MTA1: variants seen among roughly 807,000 people sequenced by gnomAD.
MTA1 encodes the protein metastasis associated 1, also known as metastasis-associated protein MTA1.
MTA1 carries 15 observed loss-of-function variants against 97.0 expected under a neutral mutation model. That is an observed-to-expected ratio of 0.15 (90% CI 0.10 to 0.24). The LOEUF is 0.24. MTA1 is among the 10% of genes least tolerant of loss of function. MTA1 has a pLI of 1.00. For synonymous variants in MTA1, 435 were observed against 417.5 expected (o/e 1.04, Z -0.51); for missense variants, 709 against 1,015.1 (o/e 0.70, Z 4.10).
At chr14:105,455,380 C>T (rs2083104791) in intron 7 of MTA1, among the ~76,000 whole-genome samples, 1 of 152,224 alleles carries the variant, frequency 6.6e-6, no homozygotes, top group Non-Finnish European at 1.5e-5. Context: ...GCTTCGGTAG[C>T]CCTGGTGGGA....
At chr14:105,452,067 C>T (rs1201272053) in intron 6 of MTA1, among the ~76,000 whole-genome samples, 1 of 152,204 alleles carries the variant, frequency 6.6e-6, no homozygotes, top group Non-Finnish European at 1.5e-5. Context: ...GTTGGGATTA[C>T]AGGCATGAGC....
At chr14:105,428,371 G>T (rs1326089074) in intron 1 of MTA1, among the ~76,000 whole-genome samples, 1 of 151,874 alleles carries the variant, frequency 6.6e-6, no homozygotes, top group Non-Finnish European at 1.5e-5. Flanking sequence ...ACTCACTGCA[G>T]CCTCCACCTC....
chr14:105,467,781 G>A, intron 18 of MTA1: 1 of 276,392 alleles, frequency 3.6e-6, no homozygotes, highest in South Asian at 3.1e-5. Flanking sequence ...GTTCCTAATG[G>A]CAGGGCGTCC....
At chr14:105,451,447 C>G (rs1487150809) in intron 6 of MTA1, among the ~76,000 whole-genome samples, 1 of 152,242 alleles carries the variant, frequency 6.6e-6, no homozygotes, top group Admixed American at 6.5e-5. Flanking sequence ...GCTGCCAGAC[C>G]AGCTTCCCAG....
intron 1 of MTA1, among the ~76,000 whole-genome samples, chr14:105,423,774 G>GT (rs2081925342): frequency 3.9e-5 from 6 of 152,292 alleles, no homozygotes; most frequent in African/African-American, 1.4e-4. Context: ...TTATTCTAGT[G>GT]TTTTTTTGAA....
rs782536746 is a variant in MTA1, at chr14:105,464,167, G to A, written c.1192+20G>A. 142 of 1,595,936 alleles carry A rather than the reference G, an allele frequency of 8.9e-5. 1 individual carries two copies. Among genetic ancestry groups the A allele is most frequent in the East Asian group, 5.8e-4 (26 of 44,692 alleles). On this transcript the variant is annotated intron_variant, in intron 13 of 20. Transcript: ENST00000331320. ...GTTACAGTAAGTGCCCTGGATGGCC[G>A]GGGGCACACCGCACGCCCGCCTGTG...
chr14:105,463,994 T>G lies in MTA1; in HGVS notation c.1077-38T>G, dbSNP rs1555431698. The stretch of plus-strand genomic sequence containing the variant: ...GCACATGGGCCCTCGAGGTTTGTGC[T>G]CCTGCAACTCCTCTCGTCTCTCCTT... On this transcript the variant is annotated intron_variant, in intron 12 of 20. Transcript: ENST00000331320. This position sits in a 1 kb window ranked among gnomAD's most constrained non-coding sequence, Gnocchi z 5.9. The G allele has an allele frequency of 6.2e-6, 10 of 1,603,962 alleles. No homozygotes were observed. The highest frequency in any genetic ancestry group is 2.7e-5 in the African/African-American group (2 of 74,758).
Position 105,458,352 on chromosome 14 carries a change from C to T in MTA1, c.633C>T (p.Asp211=), listed in dbSNP as rs781983101. The T allele has an allele frequency of 1.2e-6, 2 of 1,612,742 alleles. No homozygotes were observed. The highest frequency in any genetic ancestry group is 3.3e-5 in the Admixed American group (2 of 60,020). ...ACCCACTCACAGACAAGCAGATCGA[C>T]CAGTTCCTGGTGGTGGCCCGGTGAG... is the stretch of plus-strand genomic sequence containing the variant. ...AHNPLTDKQI[D]QFLVVARSVG... The change falls in exon 8 of 21, where the codon GAC becomes GAT. Residue 211 remains aspartate, a synonymous_variant. Coordinates refer to ENST00000331320, the MANE Select transcript of MTA1 (RefSeq NM_004689.4).
intron 18 of MTA1, chr14:105,469,069 A>C: frequency 2.3e-6 from 1 of 439,416 alleles, no homozygotes; most frequent in Non-Finnish European, 4.6e-6. Context: ...CTGGTGGGGC[A>C]GTGCCGGCCA....
chr14:105,464,971 G>GC, intron 15 of MTA1, 108 bp downstream of exon 15: 1 of 1,428,978 alleles, frequency 7.0e-7, no homozygotes, highest in Non-Finnish European at 9.2e-7. Context: ...ATCTCAGGGA[G>GC]CCCCACGTCC....
intron 1 of MTA1, among the ~76,000 whole-genome samples, chr14:105,423,267 T>TG (rs1555421431): frequency 2.7e-5 from 4 of 147,714 alleles, no homozygotes; most frequent in Non-Finnish European, 5.9e-5. Context: ...TGGCCCAAGC[T>TG]GGAGTGCAGA....
intron 6 of MTA1, among the ~76,000 whole-genome samples, chr14:105,451,670 G>A (rs370283269): frequency 9.9e-5 from 15 of 152,180 alleles, no homozygotes; most frequent in African/African-American, 3.4e-4. Context: ...CACTGTGTCC[G>A]CCCAGAAACG....
At chr14:105,467,355 C>CCCTT in intron 18 of MTA1, 1 of 452,412 alleles carries the variant, frequency 2.2e-6, no homozygotes, top group Non-Finnish European at 4.4e-6. Flanking sequence ...TGCCTGGAGC[C>CCCTT]CCTTCGCCAG....
chr14:105,423,134 G>A (rs973182951), intron 1 of MTA1, among the ~76,000 whole-genome samples: 1 of 152,054 alleles, frequency 6.6e-6, no homozygotes, highest in African/African-American at 2.4e-5. Context: ...TCAGTGGACA[G>A]GCCATTACCA....
intron 6 of MTA1, among the ~76,000 whole-genome samples, chr14:105,453,195 C>T (rs1430766480): frequency 3.3e-5 from 5 of 152,394 alleles, no homozygotes; most frequent in Admixed American, 1.3e-4. Flanking sequence ...CGGGAAGGGC[C>T]GCGCCTGCTG....
intron 7 of MTA1, 50 bp downstream of exon 7, chr14:105,454,360 C>A: frequency 7.6e-7 from 1 of 1,308,046 alleles, no homozygotes; most frequent in Non-Finnish European, 1.1e-6. Flanking sequence ...TCCTGTCCTG[C>A]CGGGTGACAC....
At chr14:105,445,015 CGCTAGGGCCGTGGCTGCTGTG>C (rs1324070333) in intron 2 of MTA1, among the ~76,000 whole-genome samples, 2 of 152,174 alleles carry the variant, frequency 1.3e-5, no homozygotes, top group Non-Finnish European at 2.9e-5. Flanking sequence ...CTGCGTCCGC[CGCTAGGGCCGTGGCTGCTGTG>C]CAGGTCACCC....
intron 18 of MTA1, chr14:105,468,125 C>G: frequency 2.6e-6 from 1 of 380,486 alleles, no homozygotes; most frequent in East Asian, 7.5e-5. Context: ...CTGGCGCACA[C>G]GAGGTGGGGT....
intron 1 of MTA1, among the ~76,000 whole-genome samples, chr14:105,429,173 G>T (rs1388762004): frequency 6.6e-6 from 1 of 152,182 alleles, no homozygotes; most frequent in African/African-American, 2.4e-5. Context: ...TCAGGCTGGG[G>T]CTCTGGCTTC....
Sources: allele counts gnomAD v4.1 joint callset (sites outside exome capture counted in the v4.1 genomes callset), GRCh38; gene constraint gnomAD v4.1.1; non-coding constraint Gnocchi (gnomAD v3.1); transcripts MANE v1.5; gene names NCBI Gene and HGNC (gene_info 2026-07-23, HGNC 2026-07-21).